The following GHITM variants were observed in gnomAD, a reference collection of about 807,000 sequenced individuals.
The protein encoded by GHITM is growth hormone inducible transmembrane protein.
In GHITM, 24 loss-of-function variants were observed where a neutral mutation model predicts 38.7. The observed-to-expected ratio is 0.62, with a 90% CI of 0.45 to 0.87. GHITM has a LOEUF of 0.87. Among genes scored for constraint, GHITM ranks in the 40% least tolerant of loss-of-function variants. The probability of loss-of-function intolerance (pLI) is 0.00; values close to 1 mark genes in which losing one functional copy is unlikely to be tolerated. For missense variants in GHITM, 420 were observed against 429.8 expected (o/e 0.98, Z 0.20); for synonymous variants, 154 against 147.8 (o/e 1.04, Z -0.30).
rs149799671 is a variant in GHITM at position 84,147,478 on chromosome 10, G to A, written c.484-1252G>A. ...TTACCTGTACTTTATATTAGAGGTTGAATATTTTGATGTTCATAGGTGAGA... is the reference window on the plus strand; with the variant it reads ...TTACCTGTACTTTATATTAGAGGTTAAATATTTTGATGTTCATAGGTGAGA... On this transcript the variant is annotated intron_variant, in intron 5 of 8. Coordinates refer to ENST00000372134, the MANE Select transcript of GHITM (RefSeq NM_014394.3). Among the ~76,000 whole-genome samples the A allele has an allele frequency of 4.9e-3, 748 of 152,254 alleles. 5 individuals carry two copies. The highest frequency in any genetic ancestry group is 0.017 in the African/African-American group (711 of 41,520).
In GHITM at chr10:84,150,770, C is replaced by A. The variant is rs371326384; in HGVS notation, c.843C>A (p.Tyr281Ter). The A allele has an allele frequency of 6.2e-7, 1 of 1,612,316 alleles. No homozygotes were observed. The highest frequency in any genetic ancestry group is 8.5e-7 in the Non-Finnish European group (1 of 1,178,440). The change falls in exon 8 of 9, where the codon TAC (tyrosine) becomes TAA (stop). Residue 281 changes from tyrosine to a stop codon, truncating the protein, a stop_gained. Coordinates refer to ENST00000372134, the MANE Select transcript of GHITM (RefSeq NM_014394.3). LOFTEE classifies it high-confidence loss of function. ...AGATLYSVAM[Y>*]GGLVLFSMFL... ...CCACTCTTTACTCAGTGGCAATGTACGGTGGATTAGTTCTTTTCAGCATGT... is the reference window on the plus strand; with the variant it reads ...CCACTCTTTACTCAGTGGCAATGTAAGGTGGATTAGTTCTTTTCAGCATGT...
intron 3 of GHITM, among the ~76,000 whole-genome samples, chr10:84,143,487 T>A (rs1185079247): frequency 2.0e-5 from 3 of 152,210 alleles, no homozygotes; most frequent in African/African-American, 7.2e-5. Flanking sequence ...AGTTGATTAG[T>A]TGCCTCTCAG....
At chr10:84,151,094 G>A (rs551482569) in intron 8 of GHITM, among the ~76,000 whole-genome samples, 1 of 152,278 alleles carries the variant, frequency 6.6e-6, no homozygotes, top group South Asian at 2.1e-4. Flanking sequence ...ACTTCTGAGG[G>A]CCCTGAGGGA....
chr10:84,148,922 TG>T (rs777880274), intron 6 of GHITM, 84 bp downstream of exon 6: 10 of 782,668 alleles, frequency 1.3e-5, no homozygotes, highest in Non-Finnish European at 2.0e-5. Flanking sequence ...ATGACCTACA[TG>T]GAATTTAAGC....
At position 84,141,791 on chromosome 10, in the gene GHITM, C is replaced by G. The variant is rs77494657; in HGVS notation, c.129+162C>G. Reference sequence around the variant, plus strand: ...CCCATTAGTTTGTATCATTCTGGTCCCTCCTTATCCCATATGAAATAGAAA... The same window carrying G: ...CCCATTAGTTTGTATCATTCTGGTCGCTCCTTATCCCATATGAAATAGAAA... On this transcript the variant is annotated intron_variant, in intron 2 of 8. Coordinates refer to ENST00000372134, the MANE Select transcript of GHITM (RefSeq NM_014394.3). Among the ~76,000 whole-genome samples the G allele has an allele frequency of 2.0e-4, 30 of 152,242 alleles. No homozygotes were observed. In the East Asian group the frequency reaches 5.0e-3, roughly 25 times the overall value.
intron 3 of GHITM, among the ~76,000 whole-genome samples, chr10:84,143,216 G>T (rs1256038781): frequency 6.6e-6 from 1 of 152,144 alleles, no homozygotes; most frequent in African/African-American, 2.4e-5. Context: ...GTTCAGTTTG[G>T]ATATCAACTT....
chr10:84,145,123 G>A (rs1841545408), intron 5 of GHITM, 107 bp downstream of exon 5: 1 of 783,084 alleles, frequency 1.3e-6, no homozygotes, highest in African/African-American at 1.8e-5. Context: ...TATTGAACAA[G>A]TTTTTGTTCA....
At chr10:84,143,478 G>A (rs545807588) in intron 3 of GHITM, among the ~76,000 whole-genome samples, 1 of 152,288 alleles carries the variant, frequency 6.6e-6, no homozygotes, top group African/African-American at 2.4e-5. Context: ...TTGAGTTAGA[G>A]TTGATTAGTT....
intron 7 of GHITM, 109 bp downstream of exon 7, chr10:84,150,352 G>T (rs557453574): frequency 5.0e-5 from 45 of 903,664 alleles, no homozygotes; most frequent in Non-Finnish European, 5.8e-5. Context: ...TTTTTTTAAA[G>T]ATTTATGCTA....
Position 84,141,576 on chromosome 10 carries a change from C to A in GHITM, c.76C>A (p.Pro26Thr), listed in dbSNP as rs1470319635. The change falls in exon 2 of 9, where the codon CCT (proline) becomes ACT (threonine). Residue 26 changes from proline to threonine, a missense_variant. By Grantham distance (38) the Pro-to-Thr change is conservative. Transcript: ENST00000372134. Reference protein sequence around the residue: ...VFHPAFTKASPVVKNSITKNQ... With the variant: ...VFHPAFTKASTVVKNSITKNQ... Reference sequence around the variant, plus strand: ...CCACCCAGCTTTCACCAAGGCCTCCCCTGTTGTGAAGAATTCCATCACGAA... The same window carrying A: ...CCACCCAGCTTTCACCAAGGCCTCCACTGTTGTGAAGAATTCCATCACGAA... 1.9e-6 allele frequency: 3 copies of A among 1,613,220 alleles called. No individual in the cohort carries two copies. The highest frequency in any genetic ancestry group is 2.5e-6 in the Non-Finnish European group (3 of 1,179,140).
At chr10:84,145,120 C>A in intron 5 of GHITM, 104 bp downstream of exon 5, 5 of 819,630 alleles carry the variant, frequency 6.1e-6, no homozygotes, top group Non-Finnish European at 8.8e-6. Context: ...CTGTATTGAA[C>A]AAGTTTTTGT....
intron 6 of GHITM, 52 bp from the exon 7 acceptor site, chr10:84,150,003 C>T (rs988934570): frequency 7.7e-5 from 101 of 1,315,526 alleles, no homozygotes; most frequent in Non-Finnish European, 1.0e-4. Flanking sequence ...GTGATATTTT[C>T]CTTTTGCTTG....
Position 84,144,103 on chromosome 10 carries a change from C to T in GHITM, c.338C>T (p.Ala113Val), listed in dbSNP as rs371118008. ...LSNEIGAIEK[A>V]VIWPQYVKDR... ...AATGAGATTGGAGCTATTGAAAAGG[C>T]TGTGTAAGTAAATTGTTTTAAGTAA... Residue 113 changes from alanine to valine, a missense_variant, in exon 4 of 9, where the codon GCT becomes GTT. Coordinates refer to ENST00000372134, the MANE Select transcript of GHITM (RefSeq NM_014394.3). 4.4e-6 allele frequency: 7 copies of T among 1,595,422 alleles called. No individual in the cohort carries two copies. Among genetic ancestry groups the T allele is most frequent in the Non-Finnish European group, 5.2e-6 (6 of 1,162,924 alleles).
At chr10:84,146,228 C>T (rs1042588879) in intron 5 of GHITM, among the ~76,000 whole-genome samples, 5 of 152,094 alleles carry the variant, frequency 3.3e-5, no homozygotes, top group African/African-American at 7.2e-5. Flanking sequence ...AGAAAGGATA[C>T]AGTTGTCAAG....
intron 2 of GHITM, 124 bp from the exon 3 acceptor site, chr10:84,142,531 G>T: frequency 2.1e-6 from 1 of 485,474 alleles, no homozygotes. Context: ...AGTGAAGTTA[G>T]GTATATAGAA....
intron 1 of GHITM, chr10:84,140,529 C>T (rs1841496280): frequency 6.6e-6 from 1 of 152,138 alleles, no homozygotes; most frequent in African/African-American, 2.4e-5. Context: ...ACACGGAATC[C>T]TTATGTTACA....
chr10:84,140,634 G>A (rs952986152), intron 1 of GHITM: 2 of 152,020 alleles, frequency 1.3e-5, no homozygotes, highest in African/African-American at 4.8e-5. Flanking sequence ...GTTTACACTC[G>A]TCATTTCATT....
intron 5 of GHITM, 125 bp from the exon 6 acceptor site, chr10:84,148,605 G>A: frequency 1.5e-6 from 1 of 667,962 alleles, no homozygotes; most frequent in East Asian, 2.8e-5. Flanking sequence ...CTTAAGCTTT[G>A]ATTTATTATC....
chr10:84,152,498 T>C lies in GHITM; in HGVS notation c.*150T>C, dbSNP rs1841622372. The stretch of plus-strand genomic sequence containing the variant: ...TTAAATGTTCCGGTAATGTGATGCC[T>C]CAGGTCTGCCTTTTTTTCTGGAGAA... On this transcript the variant is annotated 3_prime_UTR_variant, in exon 9 of 9. Transcript: ENST00000372134. The C allele has an allele frequency of 2.2e-6, 1 of 457,230 alleles. No individual in the cohort carries two copies. Among genetic ancestry groups the C allele is most frequent in the Non-Finnish European group, 3.9e-6 (1 of 257,254 alleles). The allele number at this position is 457,230 out of a possible 1,614,324, so 28.3% of individuals were successfully genotyped here.
Sources: allele counts gnomAD v4.1 joint callset (sites outside exome capture counted in the v4.1 genomes callset), GRCh38; gene constraint gnomAD v4.1.1; transcripts MANE v1.5; gene names NCBI Gene and HGNC (gene_info 2026-07-23, HGNC 2026-07-21).